KIAA1217: variants seen among roughly 807,000 people sequenced by gnomAD.
KIAA1217 encodes sickle tail protein homolog.
In KIAA1217, 88 loss-of-function variants were observed where a neutral mutation model predicts 163.9. The observed-to-expected ratio is 0.54, with a 90% CI of 0.45 to 0.64. The LOEUF (loss-of-function observed/expected upper bound fraction) is 0.64. Ranked by LOEUF, KIAA1217 falls within the 30% of genes least tolerant of loss-of-function variation. KIAA1217 has a pLI of 0.00. For synonymous variants in KIAA1217, 903 were observed against 923.1 expected, an observed-to-expected ratio of 0.98 and a Z score of 0.39; for missense variants, 2,372 against 2,475.0, an observed-to-expected ratio of 0.96 and a Z score of 0.88.
chr10:24,545,538 C>A, intron 20 of KIAA1217: 1 of 1,327,908 alleles, frequency 7.5e-7, no homozygotes, highest in Non-Finnish European at 9.6e-7. Flanking sequence ...CAGTAATTAT[C>A]CAGACGCATG....
chr10:23,718,921 A>G (rs551875384), intron 1 of KIAA1217, among the ~76,000 whole-genome samples: 1 of 151,968 alleles, frequency 6.6e-6, no homozygotes, highest in South Asian at 2.1e-4. Context: ...AAAGACAAAG[A>G]CTTCTTTTCA....
chr10:24,041,912 T>C (rs1442257697), intron 2 of KIAA1217, among the ~76,000 whole-genome samples: 2 of 151,944 alleles, frequency 1.3e-5, no homozygotes, highest in African/African-American at 4.8e-5. Context: ...CTAGGCTGTC[T>C]GGTGTGTAGT....
Position 24,544,151 on chromosome 10 carries a change from G to T in KIAA1217, c.4881G>T (p.Arg1627Ser). 2.5e-6 allele frequency: 4 copies of T among 1,614,110 alleles called. No individual in the cohort carries two copies. Among genetic ancestry groups the T allele is most frequent in the Non-Finnish European group, 3.4e-6 (4 of 1,180,032 alleles). The change falls in exon 19 of 21, where the codon AGG (arginine) becomes AGT (serine). Residue 1627 changes from arginine (R) to serine (S), a missense_variant. This residue lies in a region of KIAA1217 where 690 missense variants were observed against 677.5 expected (regional missense o/e 1.02). Coordinates refer to ENST00000376454, the MANE Select transcript of KIAA1217 (RefSeq NM_019590.5). ...AAGCCAAGCGCTTCGAAATCGCTAG[G>T]TCTCAACCTGAAGACACCCCTGAAA... ...HKEAKRFEIA[R>S]SQPEDTPENT... is the part of the protein sequence containing the mutation.
At chr10:24,335,049 T>A (rs564162403) in intron 2 of KIAA1217, among the ~76,000 whole-genome samples, 1 of 152,332 alleles carries the variant, frequency 6.6e-6, no homozygotes, top group South Asian at 2.1e-4. Flanking sequence ...CATCAACTGA[T>A]GAGCTAATAC....
At chr10:23,769,504 C>T (rs1358046094) in intron 1 of KIAA1217, among the ~76,000 whole-genome samples, 3 of 152,152 alleles carry the variant, frequency 2.0e-5, no homozygotes, top group Non-Finnish European at 4.4e-5. Flanking sequence ...AGTCTGGACC[C>T]CAGGCAAGAA....
intron 4 of KIAA1217, among the ~76,000 whole-genome samples, chr10:24,436,863 C>T (rs1422787704): frequency 2.6e-5 from 4 of 151,194 alleles, no homozygotes; most frequent in Non-Finnish European, 4.4e-5. Context: ...AATTTCACTG[C>T]ACTTCCTTCA....
chr10:24,351,241 C>G (rs190484106), intron 2 of KIAA1217, among the ~76,000 whole-genome samples: 16 of 152,302 alleles, frequency 1.1e-4, no homozygotes, highest in African/African-American at 3.1e-4. Flanking sequence ...AGCCACCATG[C>G]CTGGCCAGTG....
At chr10:24,447,299 A>G (rs962819679) in intron 5 of KIAA1217, among the ~76,000 whole-genome samples, 1 of 151,746 alleles carries the variant, frequency 6.6e-6, no homozygotes, top group Non-Finnish European at 1.5e-5. Flanking sequence ...ACAATGTGTT[A>G]TATATGTATA....
intron 2 of KIAA1217, among the ~76,000 whole-genome samples, chr10:24,015,581 C>T (rs10159832): frequency 0.1 from 15,442 of 151,712 alleles, 898 homozygotes; most frequent in African/African-American, 0.16. Flanking sequence ...CGTGGTAAAA[C>T]CGCATCTCTA....
Position 24,467,579 on chromosome 10 carries a change from C to G in KIAA1217, c.847-5649C>G, listed in dbSNP as rs16924799. Among the ~76,000 whole-genome samples the G allele has an allele frequency of 6.8e-3, 1,032 of 152,228 alleles. 16 individuals are homozygous for G. Among genetic ancestry groups the G allele is most frequent in the African/African-American group, 0.024 (982 of 41,524 alleles). On this transcript the variant is annotated intron_variant, in intron 5 of 20. Transcript: ENST00000376454. ...TAGAAGAATCTTTATTTTTCTGTGT[C>G]GGTCATCTCTTTCTTGCTGTAAAAT...
At chr10:24,062,555 T>C (rs1399059658) in intron 2 of KIAA1217, among the ~76,000 whole-genome samples, 1 of 151,344 alleles carries the variant, frequency 6.6e-6, no homozygotes, top group Admixed American at 6.6e-5. Flanking sequence ...ACATTTGGGT[T>C]GGTTCCAAGT....
At chr10:24,335,845 C>T (rs2046295388) in intron 2 of KIAA1217, among the ~76,000 whole-genome samples, 1 of 152,180 alleles carries the variant, frequency 6.6e-6, no homozygotes, top group South Asian at 2.1e-4. Context: ...CTCCTGGGCT[C>T]AAGCAGTCCT....
chr10:24,419,611 A>G (rs1591779054), intron 3 of KIAA1217, among the ~76,000 whole-genome samples: 1 of 152,218 alleles, frequency 6.6e-6, no homozygotes, highest in Non-Finnish European at 1.5e-5. Context: ...CCTGGCACAT[A>G]GCAAATGCTA....
intron 5 of KIAA1217, among the ~76,000 whole-genome samples, chr10:24,461,302 T>C (rs2062376415): frequency 6.6e-6 from 1 of 152,198 alleles, no homozygotes; most frequent in African/African-American, 2.4e-5. Flanking sequence ...TCCTTTAAAC[T>C]GCAATTGTAG....
In KIAA1217 at chr10:23,891,038, T is replaced by A. The variant is rs115714420; in HGVS notation, c.-320-116187T>A. Reference sequence around the variant, plus strand: ...TTTGCCTTGAAGACCATTTTGGTATTTTAATAGCCTCATCATCTTTCTTAT... The same window carrying A: ...TTTGCCTTGAAGACCATTTTGGTATATTAATAGCCTCATCATCTTTCTTAT... On this transcript the variant is annotated intron_variant, in intron 1 of 18. Transcript: ENST00000376462. 8.2e-3 allele frequency among the ~76,000 whole-genome samples: 1,245 copies of A among 152,100 alleles called. 17 individuals are homozygous for A. Among genetic ancestry groups the A allele is most frequent in the African/African-American group, 0.029 (1,203 of 41,556 alleles).
chr10:23,852,188 T>A (rs1179861223), intron 1 of KIAA1217, among the ~76,000 whole-genome samples: 2 of 152,192 alleles, frequency 1.3e-5, no homozygotes, highest in Non-Finnish European at 2.9e-5. Context: ...AATTAATTTT[T>A]GTATCAGGTG....
rs76227488 is a variant in KIAA1217 at position 23,964,294 on chromosome 10, GTT to G, written c.-320-42919_-320-42918del. 9.8e-3 allele frequency among the ~76,000 whole-genome samples: 1,372 copies of G among 140,412 alleles called. 25 individuals are homozygous for G. The highest frequency in any genetic ancestry group is 0.033 in the African/African-American group (1,285 of 38,878). The allele number at this position is 140,412 out of a possible 152,430, so 92.1% of individuals were successfully genotyped here. A position where few individuals can be genotyped will look rare whatever the true frequency, so the allele number is the denominator to read the frequency against. On this transcript the variant is annotated intron_variant, in intron 1 of 18. Transcript: ENST00000376462. ...CTTTTGCCCACTTTTTGATGGGGTT[GTT>G]TTTTTTTTTTTGTAAATTTGTTTAA...
intron 1 of KIAA1217, among the ~76,000 whole-genome samples, chr10:23,830,276 G>T (rs989726258): frequency 6.6e-6 from 1 of 152,094 alleles, no homozygotes; most frequent in South Asian, 2.1e-4. Flanking sequence ...CACCTATTTT[G>T]TGCTGGAGCA....
At position 23,979,182 on chromosome 10, in the gene KIAA1217, G is replaced by A. The variant is rs1448930932; in HGVS notation, c.-320-28043G>A. ...TGAGCCACTGAAAATAGAAGAAGAG[G>A]AATTAAAATGCATTCTTCCCAACAT... On this transcript the variant is annotated intron_variant, in intron 1 of 18. Coordinates refer to the KIAA1217 transcript ENST00000376462. Among the ~76,000 whole-genome samples the A allele has an allele frequency of 2.0e-5, 3 of 152,174 alleles. No homozygotes were observed. In the South Asian group the frequency reaches 6.2e-4, roughly 31 times the overall value.
Sources: allele counts gnomAD v4.1 joint callset (sites outside exome capture counted in the v4.1 genomes callset), GRCh38; gene constraint gnomAD v4.1.1; regional missense constraint gnomAD v4.1.1; transcripts MANE v1.5; gene names NCBI Gene and HGNC (gene_info 2026-07-23, HGNC 2026-07-21).